Variants in DCTN6 observed in about 807,000 individuals in gnomAD.
DCTN6 encodes dynactin subunit 6.
DCTN6 carries 15 observed loss-of-function variants against 25.8 expected under a neutral mutation model. The ratio of observed to expected loss-of-function variants is 0.58; its 90% CI spans 0.39 to 0.89. DCTN6 has a LOEUF of 0.89. DCTN6 is among the 40% of genes least tolerant of loss of function. DCTN6 has a pLI of 0.00. For synonymous variants in DCTN6, 64 were observed against 78.3 expected, an observed-to-expected ratio of 0.82 and a Z score of 0.96; for missense variants, 198 against 237.6, an observed-to-expected ratio of 0.83 and a Z score of 1.09.
intron 2 of DCTN6, among the ~76,000 whole-genome samples, chr8:30,172,829 AT>A (rs898948566): frequency 6.6e-6 from 1 of 152,082 alleles, no homozygotes; most frequent in South Asian, 2.1e-4. Flanking sequence ...ATAGCTAACT[AT>A]TTTTTTGTAA....
At chr8:30,170,279 T>C (rs1355926244) in intron 2 of DCTN6, among the ~76,000 whole-genome samples, 5 of 152,178 alleles carry the variant, frequency 3.3e-5, no homozygotes, top group Non-Finnish European at 7.4e-5. Context: ...CCGCAAGAAG[T>C]TGAGAGAAGC....
At chr8:30,182,779 A>C (rs1384429876) in intron 6 of DCTN6, among the ~76,000 whole-genome samples, 1 of 151,572 alleles carries the variant, frequency 6.6e-6, no homozygotes, top group Non-Finnish European at 1.5e-5. Context: ...TGCAGCCTCA[A>C]CCTCCTGGGC....
At position 30,156,388 on chromosome 8, in the gene DCTN6, C is replaced by T. The variant is rs1279561479; in HGVS notation, c.5C>T (p.Ala2Val). The change falls in exon 1 of 7, where the codon GCG (alanine) becomes GTG (valine). Residue 2 changes from alanine to valine, a missense_variant. Coordinates refer to ENST00000221114, the MANE Select transcript of DCTN6 (RefSeq NM_006571.4). Reference protein sequence around the residue: MAEKTQKSVKIA... With the variant: MVEKTQKSVKIA... ...CGTTCCAATTGGGGCCGTACCATGG[C>T]GGAGAAGACTCAAAAGAGGTGGGTT... 1.9e-6 allele frequency: 3 copies of T among 1,605,768 alleles called. No individual in the cohort carries two copies. Among genetic ancestry groups the T allele is most frequent in the Non-Finnish European group, 1.7e-6 (2 of 1,176,290 alleles).
At chr8:30,181,636 C>T (rs1163988778) in intron 6 of DCTN6, among the ~76,000 whole-genome samples, 1 of 152,086 alleles carries the variant, frequency 6.6e-6, no homozygotes, top group Non-Finnish European at 1.5e-5. Context: ...TAGTTTCAAG[C>T]ACTGTGCGAG....
At chr8:30,177,315 TAC>T in intron 4 of DCTN6, 101 bp downstream of exon 4, 1 of 852,406 alleles carries the variant, frequency 1.2e-6, no homozygotes. Flanking sequence ...TCTCCTTTAG[TAC>T]CTAAGTCTTC....
chr8:30,167,849 C>T (rs944085497), intron 2 of DCTN6, among the ~76,000 whole-genome samples: 4 of 152,094 alleles, frequency 2.6e-5, no homozygotes, highest in African/African-American at 9.7e-5. Flanking sequence ...CAGGCATGTG[C>T]CACCACACTT....
Position 30,180,936 on chromosome 8 carries a change from G to C in DCTN6, c.474+306G>C, listed in dbSNP as rs974094850. 22 of 381,006 alleles carry C rather than the reference G, an allele frequency of 5.8e-5. 1 individual carries two copies. The highest frequency in any genetic ancestry group is 8.3e-5 in the African/African-American group (4 of 48,406). The allele number at this position is 381,006 out of a possible 1,614,324, so 23.6% of individuals were successfully genotyped here. On this transcript the variant is annotated intron_variant, in intron 6 of 6. Coordinates refer to ENST00000221114, the MANE Select transcript of DCTN6 (RefSeq NM_006571.4). ...TAGTCCAGCTACTGAGGAGGCTGAG[G>C]TGGGAAGATAATTCTTGAGTGTGAG...
intron 6 of DCTN6, 67 bp downstream of exon 6, chr8:30,180,697 TC>T: frequency 1.3e-6 from 2 of 1,556,358 alleles, no homozygotes; most frequent in Non-Finnish European, 1.8e-6. Flanking sequence ...GTAATTGTCT[TC>T]ATGAGGCAGC....
chr8:30,182,902 C>T (rs550907496), intron 6 of DCTN6, among the ~76,000 whole-genome samples, 173 bp from the exon 7 acceptor site: 1 of 152,134 alleles, frequency 6.6e-6, no homozygotes, highest in African/African-American at 2.4e-5. Context: ...TTTTTAGTGA[C>T]AAGATCTCCC....
intron 2 of DCTN6, among the ~76,000 whole-genome samples, chr8:30,170,307 C>T (rs1207885924): frequency 1.3e-5 from 2 of 152,182 alleles, no homozygotes; most frequent in African/African-American, 4.8e-5. Flanking sequence ...TGAGTTATTG[C>T]CCGTGACATT....
intron 1 of DCTN6, among the ~76,000 whole-genome samples, chr8:30,156,855 C>G (rs1490436527): frequency 2.0e-5 from 3 of 152,170 alleles, no homozygotes; most frequent in Admixed American, 6.5e-5. Flanking sequence ...CACCCCAGGC[C>G]CTTCCTGTCT....
intron 1 of DCTN6, among the ~76,000 whole-genome samples, chr8:30,158,781 T>C: frequency 7.5e-5 from 1 of 13,300 alleles, no homozygotes; most frequent in Non-Finnish European, 9.7e-4. Flanking sequence ...CTGGTTCCTT[T>C]TTTTTTTTTT....
intron 4 of DCTN6, chr8:30,177,434 G>A (rs570169892): frequency 1.7e-5 from 6 of 353,940 alleles, no homozygotes; most frequent in East Asian, 1.1e-4. Flanking sequence ...GGCTGGGTGC[G>A]GTGGCTCATG....
chr8:30,179,447 A>T lies in DCTN6; in HGVS notation c.323A>T (p.Glu108Val). Residue 108 changes from glutamate to valine, a missense_variant, in exon 5 of 7, where the codon GAA becomes GTA. Physicochemically the swap from Glu to Val is moderately radical, Grantham distance 121. Coordinates refer to ENST00000221114, the MANE Select transcript of DCTN6 (RefSeq NM_006571.4). The part of the protein sequence containing the change: ...AMKMGDNNVI[E>V]SKAYVGRNVI... ...AAGATGGGAGATAATAATGTCATTG[A>T]ATCAAAAGGTAAGCTACATTCAGAG... 2 of 1,612,404 alleles carry T rather than the reference A, an allele frequency of 1.2e-6. No homozygotes were observed. Among genetic ancestry groups the T allele is most frequent in the Non-Finnish European group, 1.7e-6 (2 of 1,179,220 alleles).
At chr8:30,166,100 T>G (rs537465441) in intron 2 of DCTN6, among the ~76,000 whole-genome samples, 1 of 152,286 alleles carries the variant, frequency 6.6e-6, no homozygotes, top group South Asian at 2.1e-4. Context: ...TTTTACTGCA[T>G]TATAATTGTG....
chr8:30,161,201 A>G (rs1255210969), intron 1 of DCTN6, among the ~76,000 whole-genome samples: 2 of 152,104 alleles, frequency 1.3e-5, no homozygotes, highest in Admixed American at 6.5e-5. Context: ...CCTTGTGAAG[A>G]AGGTGTCTGC....
intron 2 of DCTN6, among the ~76,000 whole-genome samples, chr8:30,164,764 G>T (rs1803643137): frequency 6.6e-6 from 1 of 152,194 alleles, no homozygotes; most frequent in African/African-American, 2.4e-5. Flanking sequence ...GTCCAGCATG[G>T]AGCTCCGGCC....
intron 1 of DCTN6, among the ~76,000 whole-genome samples, chr8:30,157,013 T>G (rs1304392119): frequency 6.6e-6 from 1 of 152,190 alleles, no homozygotes; most frequent in African/African-American, 2.4e-5. Flanking sequence ...TGCGTAATGG[T>G]GAAGTTGGCT....
Position 30,164,111 on chromosome 8 carries a change from T to C in DCTN6, c.24T>C (p.Ser8=). Residue 8 remains serine, a splice_region_variant and synonymous_variant, in exon 2 of 7, where the codon AGT becomes AGC. Transcript: ENST00000221114. The stretch of plus-strand genomic sequence containing the variant: ...AAATGTTACCTTTTTCTTGCTACAG[T>C]GTGAAGATTGCTCCTGGAGCAGTTG... MAEKTQK[S]VKIAPGAVVC... 1 of 1,612,946 alleles carries C rather than the reference T, an allele frequency of 6.2e-7. No individual in the cohort carries two copies. The highest frequency in any genetic ancestry group is 1.7e-5 in the Admixed American group (1 of 60,016).
Sources: allele counts gnomAD v4.1 joint callset (sites outside exome capture counted in the v4.1 genomes callset), GRCh38; gene constraint gnomAD v4.1.1; transcripts MANE v1.5; gene names NCBI Gene and HGNC (gene_info 2026-07-23, HGNC 2026-07-21).